SNX9: variants seen among roughly 807,000 people sequenced by gnomAD.
SNX9 encodes sorting nexin 9.
A neutral mutation model predicts 89.4 loss-of-function variants in SNX9; 44 were observed. That is an observed-to-expected ratio of 0.49 (90% CI 0.39 to 0.63). The LOEUF (loss-of-function observed/expected upper bound fraction) is 0.63, where lower values mean the gene tolerates loss of function less well. Ranked by LOEUF, SNX9 falls within the 30% of genes least tolerant of loss-of-function variation. SNX9 has a pLI of 0.00. For synonymous variants in SNX9, 236 were observed against 247.8 expected (o/e 0.95, Z 0.45); for missense variants, 578 against 736.1 (o/e 0.79, Z 2.49).
At chr6:157,826,914 A>AAATATATTATAGTTTATATAATATAT (rs1781368084) in intron 1 of SNX9, among the ~76,000 whole-genome samples, 2 of 69,994 alleles carry the variant, frequency 2.9e-5, no homozygotes, top group Non-Finnish European at 4.7e-5. Flanking sequence ...TATAATATAT[A>AAATATATTATAGTTTATATAATATAT]AAATATATTA....
intron 1 of SNX9, among the ~76,000 whole-genome samples, chr6:157,834,025 C>T (rs138577802): frequency 1.8e-4 from 28 of 151,960 alleles, no homozygotes; most frequent in African/African-American, 5.8e-4. Context: ...GGTAATGAGG[C>T]GTGATCTGAT....
At chr6:157,923,687 G>A (rs192339280) in intron 10 of SNX9, among the ~76,000 whole-genome samples, 6 of 152,290 alleles carry the variant, frequency 3.9e-5, no homozygotes, top group South Asian at 4.1e-4. Flanking sequence ...ACTTTATTGC[G>A]TATCAGAACT....
chr6:157,840,123 TCGGGAAAGAGCAGACCC>T (rs1583193046), intron 1 of SNX9, among the ~76,000 whole-genome samples: 8 of 136,720 alleles, frequency 5.9e-5, no homozygotes, highest in East Asian at 2.1e-4. Context: ...TCTTTGGATC[TCGGGAAAGAGCAGACCC>T]TCAGGCTGGT....
Position 157,875,131 on chromosome 6 carries a change from C to G in SNX9, c.255C>G (p.Ala85=). 6.2e-7 allele frequency: 1 copy of G among 1,614,022 alleles called. No individual in the cohort carries two copies. Among genetic ancestry groups the G allele is most frequent in the Non-Finnish European group, 8.5e-7 (1 of 1,179,956 alleles). The stretch of plus-strand genomic sequence containing the variant: ...AAGCCTTCCTTGATTCTCTCTCAGC[C>G]AGCACAGCTCAGGCCAGTTCGTCGG... The part of the protein sequence containing the change: ...ADQAFLDSLS[A]STAQASSSAA... Residue 85 remains alanine, a synonymous_variant, in exon 4 of 18, where the codon GCC becomes GCG. Transcript: ENST00000392185.
chr6:157,860,060 A>G (rs1236436128), intron 1 of SNX9, among the ~76,000 whole-genome samples: 2 of 152,240 alleles, frequency 1.3e-5, no homozygotes, highest in East Asian at 3.8e-4. Flanking sequence ...CTGCGGCAGC[A>G]GAGACAGACT....
chr6:157,885,492 C>G (rs1782715702), intron 4 of SNX9: 1 of 152,182 alleles, frequency 6.6e-6, no homozygotes. Flanking sequence ...TCTTCAGTCC[C>G]TTTTGAGGAA....
chr6:157,843,124 G>A (rs1416092120), intron 1 of SNX9, among the ~76,000 whole-genome samples: 1 of 152,178 alleles, frequency 6.6e-6, no homozygotes, highest in Admixed American at 6.5e-5. Flanking sequence ...GTGGTTTCAA[G>A]GAGATGAAGC....
Position 157,928,700 on chromosome 6 carries a change from G to C in SNX9, c.1286G>C (p.Gly429Ala). 1 of 1,593,356 alleles carries C rather than the reference G, an allele frequency of 6.3e-7. No homozygotes were observed. Among genetic ancestry groups the C allele is most frequent in the Non-Finnish European group, 8.5e-7 (1 of 1,170,448 alleles). Residue 429 changes from glycine (G) to alanine (A), a missense_variant and splice_region_variant, in exon 12 of 18, where the codon GGC becomes GCC. By Grantham distance (60) the Gly-to-Ala change is moderately conservative. This residue lies in a region of SNX9 where 348 missense variants were observed against 491.4 expected (regional missense o/e 0.71). Coordinates refer to ENST00000392185, the MANE Select transcript of SNX9 (RefSeq NM_016224.5). Reference sequence around the variant, plus strand: ...CAGGAGCACTGGAAGCGCTGCACGGGCCGTAAGTCCACTCCTCACAGTGCA... The same window carrying C: ...CAGGAGCACTGGAAGCGCTGCACGGCCCGTAAGTCCACTCCTCACAGTGCA... ...VGQEHWKRCTGPLPKEYQKIG... is the reference protein window; with the variant it reads ...VGQEHWKRCTAPLPKEYQKIG...
Position 157,902,057 on chromosome 6 carries a change from G to A in SNX9, c.620+12G>A, listed in dbSNP as rs149013129. 0.016 allele frequency: 25,232 copies of A among 1,612,452 alleles called. 314 individuals are homozygous for A. Among genetic ancestry groups the A allele is most frequent in the Middle Eastern group, 0.027 (161 of 6,000 alleles). On this transcript the variant is annotated intron_variant, in intron 6 of 17. Coordinates refer to ENST00000392185, the MANE Select transcript of SNX9 (RefSeq NM_016224.5). ...ATTCCCCTTAACAAGTAAGTTTAAA[G>A]GGGAGCCAGGGAACCAGGGCCGTGG...
Position 157,927,211 on chromosome 6 carries a change from A to G in SNX9, c.1181A>G (p.Glu394Gly). Residue 394 changes from glutamate to glycine, a missense_variant, in exon 11 of 18, where the codon GAA becomes GGA. Around this residue, in one of 2 missense-constraint regions of SNX9, gnomAD observed 348 missense variants for 491.4 expected, o/e 0.71. Transcript: ENST00000392185. ...EPEAPDLDLV[E>G]IEQKCEAVGK... Reference sequence around the variant, plus strand: ...GAGGCACCTGACTTGGACTTAGTAGAAATGTGAGAGACGCTGCCAGGTTTT... The same window carrying G: ...GAGGCACCTGACTTGGACTTAGTAGGAATGTGAGAGACGCTGCCAGGTTTT... The G allele has an allele frequency of 2.5e-6, 4 of 1,607,590 alleles. No homozygotes were observed. The African/African-American group carries it at 5.3e-5, about 21-fold the overall frequency.
chr6:157,889,039 CT>C (rs1782798636), intron 4 of SNX9, among the ~76,000 whole-genome samples: 1 of 152,144 alleles, frequency 6.6e-6, no homozygotes, highest in African/African-American at 2.4e-5. Flanking sequence ...GAAGAGGCAT[CT>C]CAGCATTGGA....
chr6:157,869,655 GC>G (rs1460675535), intron 2 of SNX9, among the ~76,000 whole-genome samples: 1 of 152,060 alleles, frequency 6.6e-6, no homozygotes, highest in Non-Finnish European at 1.5e-5. Context: ...CTTGCCTCAA[GC>G]CCAGGGTCTG....
chr6:157,832,294 C>A (rs1781492191), intron 1 of SNX9, among the ~76,000 whole-genome samples: 1 of 152,194 alleles, frequency 6.6e-6, no homozygotes, highest in Non-Finnish European at 1.5e-5. Context: ...CATTCTGTTG[C>A]CTATCACCCG....
At chr6:157,839,408 T>A (rs1405764022) in intron 1 of SNX9, among the ~76,000 whole-genome samples, 1 of 152,216 alleles carries the variant, frequency 6.6e-6, no homozygotes, top group African/African-American at 2.4e-5. Flanking sequence ...GAAGCATATG[T>A]ATTTTCATGT....
chr6:157,924,980 C>A (rs1160910807), intron 10 of SNX9, among the ~76,000 whole-genome samples: 2 of 152,096 alleles, frequency 1.3e-5, no homozygotes, highest in Admixed American at 6.5e-5. Flanking sequence ...ATCCTCCTAT[C>A]CTAGAGAGCA....
intron 2 of SNX9, among the ~76,000 whole-genome samples, chr6:157,869,474 G>T (rs150776439): frequency 1.2e-3 from 179 of 152,148 alleles, no homozygotes; most frequent in African/African-American, 3.3e-3. Flanking sequence ...CTGTTGTGGC[G>T]CCTTTCCATT....
At chr6:157,937,738 C>T (rs1476929247) in intron 15 of SNX9, among the ~76,000 whole-genome samples, 3 of 152,148 alleles carry the variant, frequency 2.0e-5, no homozygotes, top group Non-Finnish European at 4.4e-5. Context: ...TGTACATCAC[C>T]TCAGGCATGA....
intron 10 of SNX9, among the ~76,000 whole-genome samples, chr6:157,925,965 A>G (rs957475532): frequency 1.3e-5 from 2 of 150,844 alleles, no homozygotes; most frequent in African/African-American, 5.0e-5. Context: ...GAGTCCCCAC[A>G]TGGTGGAAGG....
intron 9 of SNX9, among the ~76,000 whole-genome samples, chr6:157,913,628 G>A (rs146040620): frequency 1.6e-4 from 24 of 152,216 alleles, no homozygotes; most frequent in Non-Finnish European, 3.4e-4. Flanking sequence ...GAACAGCTCC[G>A]TCACCTCCCC....
Sources: allele counts gnomAD v4.1 joint callset (sites outside exome capture counted in the v4.1 genomes callset), GRCh38; gene constraint gnomAD v4.1.1; regional missense constraint gnomAD v4.1.1; transcripts MANE v1.5; gene names NCBI Gene and HGNC (gene_info 2026-07-23, HGNC 2026-07-21).